The following USP3 variants were observed in gnomAD, a reference collection of about 807,000 sequenced individuals.
USP3 encodes the protein ubiquitin carboxyl-terminal hydrolase 3.
USP3 carries 20 observed loss-of-function variants against 72.3 expected under a neutral mutation model. The observed-to-expected ratio is 0.28, with a 90% CI of 0.19 to 0.40. USP3 has a LOEUF of 0.40. USP3 is among the 10% of genes least tolerant of loss of function. The probability of loss-of-function intolerance (pLI) is 1.00; values close to 1 mark genes in which losing one functional copy is unlikely to be tolerated. For synonymous variants in USP3, 222 were observed against 225.3 expected (o/e 0.99, Z 0.13); for missense variants, 479 against 633.9 (o/e 0.76, Z 2.62).
chr15:63,520,118 C>T (rs1315565286), intron 1 of USP3, among the ~76,000 whole-genome samples: 4 of 152,110 alleles, frequency 2.6e-5, no homozygotes, highest in Non-Finnish European at 5.9e-5. Context: ...TCTCTCAGCA[C>T]AGTAGAGCTG....
At chr15:63,531,740 G>C (rs1400725294) in intron 1 of USP3, among the ~76,000 whole-genome samples, 2 of 152,178 alleles carry the variant, frequency 1.3e-5, no homozygotes, top group Non-Finnish European at 2.9e-5. Context: ...CAACGTGCTA[G>C]GTGGTTACTA....
Position 63,558,174 on chromosome 15 carries a change from C to T in USP3, c.519C>T (p.Ile173=). The change falls in exon 6 of 15, where the codon ATC becomes ATT. Residue 173 remains isoleucine (I), a synonymous_variant. Coordinates refer to ENST00000380324, the MANE Select transcript of USP3 (RefSeq NM_006537.4). ...NLGNTCFMNA[I]LQSLSNIEQF... is the part of the protein sequence containing the mutation. The stretch of plus-strand genomic sequence containing the variant: ...GGAACACATGTTTCATGAATGCCAT[C>T]CTTCAGTCACTCAGGTAACGCTACA... The T allele has an allele frequency of 6.2e-7, 1 of 1,614,008 alleles. No individual in the cohort carries two copies. Among genetic ancestry groups the T allele is most frequent in the Non-Finnish European group, 8.5e-7 (1 of 1,180,018 alleles).
chr15:63,590,788 G>T lies in USP3; in HGVS notation c.1525G>T (p.Val509Leu). 6.2e-7 allele frequency: 1 copy of T among 1,613,936 alleles called. No homozygotes were observed. ...GGCGAAGGCCTACATCCTTTTCTAC[G>T]TGGAACACCAGGCCAAAGCTGGATC... ...VKAKAYILFY[V>L]EHQAKAGSDK... The change falls in exon 15 of 15, where the codon GTG becomes TTG. Residue 509 changes from valine to leucine, a missense_variant. Coordinates refer to ENST00000380324, the MANE Select transcript of USP3 (RefSeq NM_006537.4).
chr15:63,566,770 T>C (rs948365694), intron 8 of USP3, among the ~76,000 whole-genome samples: 1 of 152,268 alleles, frequency 6.6e-6, no homozygotes, highest in Non-Finnish European at 1.5e-5. Flanking sequence ...TAAACACTAA[T>C]TCATTTTTGT....
chr15:63,567,844 T>C (rs567814568), intron 8 of USP3, among the ~76,000 whole-genome samples: 14 of 152,334 alleles, frequency 9.2e-5, no homozygotes, highest in African/African-American at 3.4e-4. Context: ...TTTGTAGTCA[T>C]TGTGCCAAAA....
chr15:63,507,945 A>G (rs1301116238), intron 1 of USP3, among the ~76,000 whole-genome samples: 1 of 152,224 alleles, frequency 6.6e-6, no homozygotes, highest in Non-Finnish European at 1.5e-5. Flanking sequence ...AATGTTTTTC[A>G]AAACAAAAAT....
rs915389506 is a variant in USP3 at position 63,592,215 on chromosome 15, C to A, written c.*1389C>A. ...AGATTACAGGCGTGAGCCATCACGC[C>A]CAGACAGTTTTGTTTTTAAAAAACA... On this transcript the variant is annotated 3_prime_UTR_variant, in exon 15 of 15. Transcript: ENST00000380324. 5.3e-5 allele frequency: 8 copies of A among 152,090 alleles called. No individual in the cohort carries two copies. The highest frequency in any genetic ancestry group is 2.6e-4 in the Admixed American group (4 of 15,270). The allele number at this position is 152,090 out of a possible 1,614,324, so 9.4% of individuals were successfully genotyped here.
chr15:63,580,630 A>C (rs2066936823), intron 11 of USP3, among the ~76,000 whole-genome samples: 1 of 118,564 alleles, frequency 8.4e-6, no homozygotes, highest in African/African-American at 3.1e-5. Context: ...TAAGAGTTTC[A>C]GAAAGTGGTG....
At chr15:63,513,978 G>T (rs1339180868) in intron 1 of USP3, among the ~76,000 whole-genome samples, 3 of 152,122 alleles carry the variant, frequency 2.0e-5, no homozygotes, top group Non-Finnish European at 4.4e-5. Flanking sequence ...ATGTTCTTTG[G>T]TTTCATTAAG....
intron 3 of USP3, among the ~76,000 whole-genome samples, chr15:63,550,071 G>C (rs2066414696): frequency 6.6e-6 from 1 of 152,228 alleles, no homozygotes; most frequent in African/African-American, 2.4e-5. Context: ...GTGCACTGGA[G>C]TGCAGTGGCA....
At chr15:63,575,075 C>T (rs537786600) in intron 11 of USP3, among the ~76,000 whole-genome samples, 1 of 151,388 alleles carries the variant, frequency 6.6e-6, no homozygotes, top group Admixed American at 6.6e-5. Flanking sequence ...TACACTGAAG[C>T]TAACAGTTTC....
intron 8 of USP3, among the ~76,000 whole-genome samples, chr15:63,565,179 A>G (rs73444647): frequency 0.023 from 3,462 of 152,236 alleles, 126 homozygotes; most frequent in African/African-American, 0.076. Flanking sequence ...TAGAAGTAGA[A>G]ACATCTTTCA....
chr15:63,542,145 TAAC>T (rs1335691558), intron 3 of USP3: 4 of 985,050 alleles, frequency 4.1e-6, no homozygotes, highest in Middle Eastern at 5.2e-4. Flanking sequence ...TCAATAGCAC[TAAC>T]AACAGGAATT....
chr15:63,526,052 A>G (rs1485840802), intron 1 of USP3, among the ~76,000 whole-genome samples: 2 of 152,220 alleles, frequency 1.3e-5, no homozygotes, highest in African/African-American at 4.8e-5. Context: ...AGTATCTTTA[A>G]ATTTAAAACA....
At chr15:63,578,072 C>T (rs1201737610) in intron 11 of USP3, among the ~76,000 whole-genome samples, 1 of 150,732 alleles carries the variant, frequency 6.6e-6, no homozygotes, top group Non-Finnish European at 1.5e-5. Context: ...GCTAGGAGTT[C>T]GAGACCAGCC....
At position 63,591,128 on chromosome 15, in the gene USP3, A is replaced by C; in HGVS notation, c.*302A>C. On this transcript the variant is annotated 3_prime_UTR_variant, in exon 15 of 15. Transcript: ENST00000380324. ...TTTTATGTTAATGTTTTCAGTTCTC[A>C]CTTTGAGGCACATTTACATCAATGC... 1.2e-5 allele frequency: 3 copies of C among 245,936 alleles called. No individual in the cohort carries two copies. The highest frequency in any genetic ancestry group is 2.4e-5 in the Non-Finnish European group (3 of 127,166). 15.2% of individuals were successfully genotyped at this position (245,936 alleles called of 1,614,324 possible). A position where few individuals can be genotyped will look rare whatever the true frequency, so the allele number is the denominator to read the frequency against.
intron 2 of USP3, among the ~76,000 whole-genome samples, chr15:63,533,380 T>C (rs1286910477): frequency 6.6e-6 from 1 of 152,180 alleles, no homozygotes; most frequent in Non-Finnish European, 1.5e-5. Flanking sequence ...AACCTGAGCA[T>C]TTCTTCCCAG....
At chr15:63,552,086 G>A (rs1464227651) in intron 3 of USP3, among the ~76,000 whole-genome samples, 2 of 152,278 alleles carry the variant, frequency 1.3e-5, no homozygotes, top group East Asian at 3.9e-4. Flanking sequence ...TAATGGCATC[G>A]TGTAAATATA....
intron 1 of USP3, among the ~76,000 whole-genome samples, chr15:63,514,867 A>G (rs774677867): frequency 6.6e-6 from 1 of 152,184 alleles, no homozygotes; most frequent in Non-Finnish European, 1.5e-5. Context: ...GGACTTGCTT[A>G]CTCAGGTTGT....
Sources: gnomAD v4.1 joint callset for allele counts (sites outside exome capture counted in the v4.1 genomes callset) on GRCh38, gnomAD v4.1.1 for gene constraint, MANE v1.5 for transcripts, NCBI Gene and HGNC (gene_info 2026-07-23, HGNC 2026-07-21) for gene names.